The following WDR27 variants were observed in gnomAD, a reference collection of about 807,000 sequenced individuals.
The protein encoded by WDR27 is WD repeat domain 27, also known as WD repeat-containing protein 27.
WDR27 carries 100 observed loss-of-function variants against 114.4 expected under a neutral mutation model. The ratio of observed to expected loss-of-function variants is 0.87; its 90% CI spans 0.74 to 1.03. The LOEUF is 1.03. WDR27 is among the 50% of genes least tolerant of loss of function. The probability of loss-of-function intolerance (pLI) is 0.00; values close to 1 mark genes in which losing one functional copy is unlikely to be tolerated. For missense variants in WDR27, 1,129 were observed against 1,092.9 expected, an observed-to-expected ratio of 1.03 and a Z score of -0.47; for synonymous variants, 449 against 423.1, an observed-to-expected ratio of 1.06 and a Z score of -0.75.
chr6:169,529,482 T>C (rs1375468071), intron 25 of WDR27, among the ~76,000 whole-genome samples: 1 of 152,212 alleles, frequency 6.6e-6, no homozygotes, highest in Non-Finnish European at 1.5e-5. Context: ...TACACCAACA[T>C]ACTATTTTTC....
chr6:169,500,703 C>T (rs1562499041), intron 25 of WDR27, among the ~76,000 whole-genome samples: 1 of 152,128 alleles, frequency 6.6e-6, no homozygotes, highest in Non-Finnish European at 1.5e-5. Flanking sequence ...AGTCGCTGCA[C>T]ATCACTGTTC....
intron 22 of WDR27, among the ~76,000 whole-genome samples, chr6:169,604,823 T>C (rs1808772066): frequency 6.6e-6 from 1 of 151,888 alleles, no homozygotes; most frequent in African/African-American, 2.4e-5. Flanking sequence ...ATACATAACA[T>C]AAACAGAATC....
In WDR27 at chr6:169,670,574, T is replaced by C. The variant is rs1158851660; in HGVS notation, c.451A>G (p.Ile151Val). Reference sequence around the variant, plus strand: ...CACGTGAATTTCAATCTTACCTCAATATCCAGCATGAATATTTTGTTTCCA... The same window carrying C: ...CACGTGAATTTCAATCTTACCTCAACATCCAGCATGAATATTTTGTTTCCA... The part of the protein sequence containing the change: ...CAGNKIFMLD[I>V]EQRFSVTYIE... The change falls in exon 4 of 26, where the codon ATT becomes GTT. Residue 151 changes from isoleucine (I) to valine (V), a missense_variant. Ile to Val is a conservative substitution (Grantham distance 29). Coordinates refer to ENST00000448612, the MANE Select transcript of WDR27 (RefSeq NM_182552.5). 1.2e-6 allele frequency: 2 copies of C among 1,613,812 alleles called. No homozygotes were observed. The highest frequency in any genetic ancestry group is 2.2e-5 in the East Asian group (1 of 44,886).
intron 1 of WDR27, among the ~76,000 whole-genome samples, chr6:169,692,364 C>T (rs1218434692): frequency 6.6e-6 from 1 of 152,014 alleles, no homozygotes; most frequent in Non-Finnish European, 1.5e-5. Context: ...CATGAACTTC[C>T]TTGAGCAGAA....
At chr6:169,489,131 G>A (rs574910055) in intron 25 of WDR27, among the ~76,000 whole-genome samples, 3 of 152,160 alleles carry the variant, frequency 2.0e-5, no homozygotes, top group East Asian at 1.9e-4. Context: ...CCGTTCATTC[G>A]TGCAAAGTCA....
At chr6:169,480,511 G>A (rs1048730742) in intron 25 of WDR27, among the ~76,000 whole-genome samples, 4 of 152,244 alleles carry the variant, frequency 2.6e-5, no homozygotes, top group Admixed American at 1.3e-4. Flanking sequence ...CTCCTGAGTC[G>A]GGTGGGGTCT....
intron 25 of WDR27, among the ~76,000 whole-genome samples, chr6:169,491,669 G>A (rs1789781883): frequency 6.6e-6 from 1 of 152,156 alleles, no homozygotes; most frequent in South Asian, 2.1e-4. Flanking sequence ...TTCCACGAAA[G>A]ACCAGAACCC....
In WDR27 at chr6:169,552,261, G is replaced by A. The variant is rs187794366; in HGVS notation, c.2645+20158C>T. Among the ~76,000 whole-genome samples, 22 of 152,068 alleles carry A rather than the reference G, an allele frequency of 1.4e-4. No individual in the cohort carries two copies. In the East Asian group the frequency reaches 2.5e-3, roughly 17 times the overall value. On this transcript the variant is annotated intron_variant, in intron 25 of 25. Coordinates refer to ENST00000448612, the MANE Select transcript of WDR27 (RefSeq NM_182552.5). ...CACAAGCTGCCCCCCACTTCCTTCC[G>A]TTTAGCCATAGAACCCGTGGCCTTT...
intron 24 of WDR27, among the ~76,000 whole-genome samples, chr6:169,578,661 T>A (rs1462279621): frequency 6.6e-6 from 1 of 152,156 alleles, no homozygotes; most frequent in Admixed American, 6.5e-5. Flanking sequence ...GAGACACAGC[T>A]GCACTAACAT....
intron 14 of WDR27, 123 bp from the exon 15 acceptor site, chr6:169,649,398 G>A (rs775246306): frequency 4.5e-5 from 36 of 803,168 alleles, no homozygotes; most frequent in East Asian, 8.2e-5. Context: ...AAATGCTTTC[G>A]GGCCCCTCCC....
chr6:169,659,609 C>T lies in WDR27; in HGVS notation c.1130-91G>A, dbSNP rs1825399686. 8.3e-7 allele frequency: 1 copy of T among 1,203,298 alleles called. No individual in the cohort carries two copies. Among genetic ancestry groups the T allele is most frequent in the Non-Finnish European group, 1.2e-6 (1 of 838,588 alleles). The allele number at this position is 1,203,298 out of a possible 1,614,324, so 74.5% of individuals were successfully genotyped here. On this transcript the variant is annotated intron_variant, in intron 10 of 25. Transcript: ENST00000448612. The surrounding 1 kb of genome is among the most constrained non-coding windows in gnomAD (Gnocchi z 4.3). ...CTGCCCAGAGCCCACCACACACAGC[C>T]CAGAGCCCACCACACACAGTCCAGG...
At chr6:169,655,006 TC>T (rs1203347053) in intron 13 of WDR27, among the ~76,000 whole-genome samples, 1 of 152,212 alleles carries the variant, frequency 6.6e-6, no homozygotes, top group Non-Finnish European at 1.5e-5. Context: ...ACTCGGGTTT[TC>T]CCGGGAGAAC....
At chr6:169,511,380 C>T (rs1455468406) in intron 25 of WDR27, among the ~76,000 whole-genome samples, 4 of 152,104 alleles carry the variant, frequency 2.6e-5, no homozygotes, top group Non-Finnish European at 4.4e-5. Flanking sequence ...CGTTTTCAAA[C>T]ATGAAATATG....
At chr6:169,544,426 C>CTT (rs201281369) in intron 25 of WDR27, among the ~76,000 whole-genome samples, 61 of 140,882 alleles carry the variant, frequency 4.3e-4, no homozygotes, top group East Asian at 3.4e-3. Context: ...ATTTCTTTTC[C>CTT]TTTTTTTTTT....
chr6:169,519,175 T>C (rs975613461), intron 25 of WDR27, among the ~76,000 whole-genome samples: 11 of 152,226 alleles, frequency 7.2e-5, no homozygotes, highest in African/African-American at 2.4e-4. Context: ...AGATTTTCCC[T>C]TATCTTTCTG....
chr6:169,699,264 G>A (rs1787157830), intron 1 of WDR27, among the ~76,000 whole-genome samples: 1 of 152,184 alleles, frequency 6.6e-6, no homozygotes. Context: ...TGCCCTGAGA[G>A]GCTGCAGGGA....
At chr6:169,586,629 T>A (rs1804624339) in intron 23 of WDR27, among the ~76,000 whole-genome samples, 1 of 151,818 alleles carries the variant, frequency 6.6e-6, no homozygotes, top group African/African-American at 2.4e-5. Context: ...GAGGCCAAGG[T>A]GGGCGGATCA....
chr6:169,526,994 A>G (rs1795037196), intron 25 of WDR27, among the ~76,000 whole-genome samples: 1 of 152,226 alleles, frequency 6.6e-6, no homozygotes, highest in Non-Finnish European at 1.5e-5. Context: ...AAAATGGAAA[A>G]TAAGTGTTGG....
At position 169,647,764 on chromosome 6, in the gene WDR27, G is replaced by A. The variant is rs753519443; in HGVS notation, c.1657+9C>T. 9.6e-6 allele frequency: 15 copies of A among 1,568,360 alleles called. No homozygotes were observed. In the South Asian group the frequency reaches 1.2e-4, roughly 12 times the overall value. ...AAATGCTACCCAGCTCCCGCAGGAC[G>A]TGGCGCACCTGAGTACTGGATGCAG... is the stretch of plus-strand genomic sequence containing the variant. On this transcript the variant is annotated intron_variant, in intron 16 of 25. Transcript: ENST00000448612.
Sources: gnomAD v4.1 joint callset for allele counts (sites outside exome capture counted in the v4.1 genomes callset) on GRCh38, gnomAD v4.1.1 for gene constraint, Gnocchi (gnomAD v3.1) non-coding constraint, MANE v1.5 for transcripts, NCBI Gene and HGNC (gene_info 2026-07-23, HGNC 2026-07-21) for gene names.